Variants in AHI1 observed in about 807,000 individuals in gnomAD.
The protein encoded by AHI1 is jouberin.
A neutral mutation model predicts 149.3 loss-of-function variants in AHI1; 123 were observed. That is an observed-to-expected ratio of 0.82 (90% CI 0.71 to 0.96). AHI1 has a LOEUF of 0.96. AHI1 is among the 40% of genes least tolerant of loss of function. The pLI is 0.00. For synonymous variants in AHI1, 475 were observed against 459.8 expected, an observed-to-expected ratio of 1.03 and a Z score of -0.42; for missense variants, 1,439 against 1,422.7, an observed-to-expected ratio of 1.01 and a Z score of -0.18.
At chr6:135,316,314 ACCTC>A (rs1785940753) in intron 26 of AHI1, among the ~76,000 whole-genome samples, 1 of 151,928 alleles carries the variant, frequency 6.6e-6, no homozygotes, top group South Asian at 2.1e-4. Context: ...TGGACACCAG[ACCTC>A]CCTTTAGCCA....
chr6:135,303,801 T>G (rs1784198938), intron 26 of AHI1, among the ~76,000 whole-genome samples: 1 of 152,190 alleles, frequency 6.6e-6, no homozygotes, highest in Non-Finnish European at 1.5e-5. Flanking sequence ...AAACTAGGTT[T>G]GCATGGCCTG....
At chr6:135,359,817 A>G (rs1793571975) in intron 23 of AHI1, among the ~76,000 whole-genome samples, 1 of 152,200 alleles carries the variant, frequency 6.6e-6, no homozygotes, top group Non-Finnish European at 1.5e-5. Context: ...TTTTAATTGG[A>G]GAAAAGGAAC....
At chr6:135,311,739 C>A (rs964681781) in intron 26 of AHI1, among the ~76,000 whole-genome samples, 3 of 152,316 alleles carry the variant, frequency 2.0e-5, no homozygotes, top group African/African-American at 7.2e-5. Context: ...GAGTTTCTCT[C>A]CTTCCTGATA....
chr6:135,442,321 G>A (rs2128045460), intron 14 of AHI1, among the ~76,000 whole-genome samples: 1 of 152,142 alleles, frequency 6.6e-6, no homozygotes, highest in African/African-American at 2.4e-5. Flanking sequence ...AATACAAAAT[G>A]TTTACAAAAA....
intron 27 of AHI1, among the ~76,000 whole-genome samples, chr6:135,298,737 G>T (rs893883627): frequency 1.3e-5 from 2 of 152,158 alleles, no homozygotes; most frequent in African/African-American, 2.4e-5. Flanking sequence ...TTCAAAAAGA[G>T]AAGCTGAGCT....
chr6:135,436,846 C>T (rs571218895), intron 15 of AHI1, among the ~76,000 whole-genome samples: 1 of 152,282 alleles, frequency 6.6e-6, no homozygotes, highest in Admixed American at 6.5e-5. Flanking sequence ...CAGTGATCTG[C>T]CCACCTCGGC....
intron 28 of AHI1, chr6:135,286,293 A>G (rs1781675773): frequency 6.6e-6 from 1 of 152,396 alleles, no homozygotes; most frequent in African/African-American, 2.4e-5. Context: ...TTCCTTAGAC[A>G]GCATGTAGTA....
At chr6:135,366,511 CAGA>C (rs1774213153) in intron 23 of AHI1, among the ~76,000 whole-genome samples, 2 of 152,010 alleles carry the variant, frequency 1.3e-5, no homozygotes. Flanking sequence ...CTGTTTTATC[CAGA>C]AGGATAGTAT....
intron 13 of AHI1, among the ~76,000 whole-genome samples, chr6:135,446,245 G>C (rs1324768871): frequency 6.6e-6 from 1 of 152,026 alleles, no homozygotes; most frequent in African/African-American, 2.4e-5. Context: ...TTGGAGACAT[G>C]GTCTTTAAAA....
intron 24 of AHI1, among the ~76,000 whole-genome samples, chr6:135,343,039 C>CA (rs1562538521): frequency 6.6e-6 from 1 of 151,042 alleles, no homozygotes; most frequent in Non-Finnish European, 1.5e-5. Flanking sequence ...ATCCCCCCAA[C>CA]AAAATCTGAA....
At chr6:135,343,866 A>G (rs1270439252) in intron 24 of AHI1, among the ~76,000 whole-genome samples, 1 of 152,056 alleles carries the variant, frequency 6.6e-6, no homozygotes, top group African/African-American at 2.4e-5. Context: ...CATCATAGGT[A>G]TAAGTGACAA....
chr6:135,464,870 T>C (rs896992744), intron 7 of AHI1, among the ~76,000 whole-genome samples: 1 of 152,206 alleles, frequency 6.6e-6, no homozygotes, highest in African/African-American at 2.4e-5. Flanking sequence ...CAACCTGTGA[T>C]TGACAGAGAC....
At position 135,466,032 on chromosome 6, in the gene AHI1, T is replaced by A; in HGVS notation, c.531A>T (p.Arg177Ser). 6.2e-7 allele frequency: 1 copy of A among 1,614,034 alleles called. No homozygotes were observed. Among genetic ancestry groups the A allele is most frequent in the Non-Finnish European group, 8.5e-7 (1 of 1,179,892 alleles). Residue 177 changes from arginine (R) to serine (S), a missense_variant, in exon 7 of 29, where the codon AGA (arginine) becomes AGT (serine). Coordinates refer to ENST00000265602, the MANE Select transcript of AHI1 (RefSeq NM_001134831.2). ...HQKSEKANEG[R>S]EETDLEEDEE... Reference sequence around the variant, plus strand: ...CATCCTCTTCTAAATCAGTCTCTTCTCTTCCCTCATTTGCCTTCTCACTTT... The same window carrying A: ...CATCCTCTTCTAAATCAGTCTCTTCACTTCCCTCATTTGCCTTCTCACTTT...
Position 135,358,055 on chromosome 6 carries a change from A to G in AHI1, c.3165+77T>C, listed in dbSNP as rs1793262793. 3.0e-6 allele frequency: 4 copies of G among 1,330,218 alleles called. No homozygotes were observed. The African/African-American group carries it at 5.9e-5, about 20-fold the overall frequency. The allele number at this position is 1,330,218 out of a possible 1,614,324, so 82.4% of individuals were successfully genotyped here. The stretch of plus-strand genomic sequence containing the variant: ...CAAAAAGGTTTTAAGAGTTTTCTAC[A>G]ATGGCACTGTAACTATAACCAGTAT... On this transcript the variant is annotated intron_variant, in intron 24 of 28. Coordinates refer to ENST00000265602, the MANE Select transcript of AHI1 (RefSeq NM_001134831.2).
intron 23 of AHI1, among the ~76,000 whole-genome samples, chr6:135,391,044 T>C (rs1232842340): frequency 6.6e-6 from 1 of 152,190 alleles, no homozygotes; most frequent in Non-Finnish European, 1.5e-5. Context: ...GAAGATGTTA[T>C]AGTTTTAATT....
chr6:135,354,343 A>G (rs1474458537), intron 24 of AHI1, among the ~76,000 whole-genome samples: 4 of 152,112 alleles, frequency 2.6e-5, no homozygotes, highest in African/African-American at 7.2e-5. Flanking sequence ...CAAAAACAGT[A>G]CTCAAGACAC....
In AHI1 at chr6:135,292,983, G is replaced by A. The variant is rs151336437; in HGVS notation, c.3486-2458C>T. 3.5e-3 allele frequency among the ~76,000 whole-genome samples: 529 copies of A among 152,186 alleles called. 2 individuals are homozygous for A. The highest frequency in any genetic ancestry group is 0.012 in the African/African-American group (486 of 41,520). On this transcript the variant is annotated intron_variant, in intron 27 of 28. Coordinates refer to ENST00000265602, the MANE Select transcript of AHI1 (RefSeq NM_001134831.2). The stretch of plus-strand genomic sequence containing the variant: ...CATATTTCTCATGAACAAAATGCAA[G>A]AAGTTCTAAAGGAAATTTTAGCACA...
At chr6:135,299,586 T>C (rs865993722) in intron 27 of AHI1, among the ~76,000 whole-genome samples, 60 of 152,120 alleles carry the variant, frequency 3.9e-4, no homozygotes, top group African/African-American at 1.4e-3. Context: ...TAATGTTAGG[T>C]CCAAAAGATA....
In AHI1 at chr6:135,411,369, T is replaced by G. The variant is rs1781566907; in HGVS notation, c.2940A>C (p.Lys980Asn). The change falls in exon 21 of 29, where the codon AAA becomes AAC. Residue 980 changes from lysine to asparagine, a missense_variant. Physicochemically the swap from Lys to Asn is moderately conservative, Grantham distance 94. Coordinates refer to ENST00000265602, the MANE Select transcript of AHI1 (RefSeq NM_001134831.2). ...ESSSTKMQLV[K>N]QRLETVTEVI... The stretch of plus-strand genomic sequence containing the variant: ...TTACTGTGACAGTTTCAAGCCTCTG[T>G]TTTACTAGCTGCATCTTCGTTGAAG... 3.1e-6 allele frequency: 5 copies of G among 1,613,686 alleles called. No individual in the cohort carries two copies. The African/African-American group carries it at 5.3e-5, about 17-fold the overall frequency.
Sources: gnomAD v4.1 joint callset for allele counts (sites outside exome capture counted in the v4.1 genomes callset) on GRCh38, gnomAD v4.1.1 for gene constraint, MANE v1.5 for transcripts, NCBI Gene and HGNC (gene_info 2026-07-23, HGNC 2026-07-21) for gene names.